The following GIPC2 variants were observed in gnomAD, a reference collection of about 807,000 sequenced individuals.
GIPC2 encodes the protein GIPC PDZ domain containing family member 2, also known as PDZ domain-containing protein GIPC2.
Under a neutral mutation model 30.6 loss-of-function variants are expected in GIPC2, and 30 were observed. That is an observed-to-expected ratio of 0.98 (90% CI 0.73 to 1.33). The LOEUF is 1.33. Ranked by LOEUF, GIPC2 falls within the 40% of genes most tolerant of loss-of-function variation. The pLI, the probability that GIPC2 is intolerant of heterozygous loss-of-function variation, is 0.00. For missense variants in GIPC2, 414 were observed against 390.3 expected (o/e 1.06, Z -0.51); for synonymous variants, 167 against 150.0 (o/e 1.11, Z -0.83).
chr1:78,046,362 C>G, intron 1 of GIPC2, 28 bp downstream of exon 1: 3 of 1,581,492 alleles, frequency 1.9e-6, no homozygotes, highest in Non-Finnish European at 2.6e-6. Flanking sequence ...CAGGCTCTCC[C>G]GCCTCTCCGC....
At chr1:78,111,781 T>C (rs1662470338) in intron 3 of GIPC2, among the ~76,000 whole-genome samples, 1 of 152,212 alleles carries the variant, frequency 6.6e-6, no homozygotes, top group Non-Finnish European at 1.5e-5. Flanking sequence ...ATGCTGTAAA[T>C]AGGTGTAAAT....
chr1:78,099,696 C>T (rs1368364614), intron 3 of GIPC2, among the ~76,000 whole-genome samples: 2 of 151,992 alleles, frequency 1.3e-5, no homozygotes, highest in Admixed American at 6.6e-5. Flanking sequence ...CCTCGGCCTC[C>T]CAAAGTGCTA....
upstream of GIPC2, chr1:78,045,156 C>T (rs1661044565): frequency 1.3e-6 from 1 of 765,088 alleles, no homozygotes; most frequent in African/African-American, 1.9e-5. Flanking sequence ...AGTGATTTCA[C>T]TCCACTGAAA....
chr1:78,064,358 A>G (rs1661461713), intron 1 of GIPC2, among the ~76,000 whole-genome samples: 1 of 152,238 alleles, frequency 6.6e-6, no homozygotes. Context: ...ATTGCAATTC[A>G]AACAGAATCC....
intron 1 of GIPC2, among the ~76,000 whole-genome samples, chr1:78,049,826 A>G (rs1661161657): frequency 6.6e-6 from 1 of 151,294 alleles, no homozygotes; most frequent in Non-Finnish European, 1.5e-5. Context: ...TTCTAAGTCT[A>G]TTACATAGCA....
At chr1:78,108,043 G>T (rs1662393799) in intron 3 of GIPC2, among the ~76,000 whole-genome samples, 1 of 151,910 alleles carries the variant, frequency 6.6e-6, no homozygotes, top group South Asian at 2.1e-4. Context: ...TCTTAACTTT[G>T]TAAAGTCTAG....
intron 1 of GIPC2, among the ~76,000 whole-genome samples, chr1:78,073,609 C>G (rs1285791319): frequency 6.6e-6 from 1 of 152,110 alleles, no homozygotes; most frequent in Non-Finnish European, 1.5e-5. Flanking sequence ...TTCCAGAGAT[C>G]TTTGGAACAT....
At chr1:78,084,989 T>C (rs1661900942) in intron 2 of GIPC2, among the ~76,000 whole-genome samples, 2 of 152,168 alleles carry the variant, frequency 1.3e-5, no homozygotes, top group South Asian at 4.1e-4. Flanking sequence ...GTAGGAGTGG[T>C]GAGAGAGAGC....
intron 2 of GIPC2, among the ~76,000 whole-genome samples, chr1:78,093,333 T>C (rs1200791051): frequency 2.0e-5 from 3 of 152,230 alleles, no homozygotes. Context: ...GATATAAGTT[T>C]AATATGGGTT....
At chr1:78,051,332 G>C (rs1193459588) in intron 1 of GIPC2, among the ~76,000 whole-genome samples, 1 of 152,168 alleles carries the variant, frequency 6.6e-6, no homozygotes, top group Non-Finnish European at 1.5e-5. Context: ...CAGTTTCTCT[G>C]CAGAATTCAG....
At chr1:78,065,564 G>A (rs1453935198) in intron 1 of GIPC2, among the ~76,000 whole-genome samples, 1 of 151,906 alleles carries the variant, frequency 6.6e-6, no homozygotes, top group Non-Finnish European at 1.5e-5. Context: ...AATTCATATG[G>A]AAAGACAAAA....
At chr1:78,122,371 T>C (rs1557550186) in intron 4 of GIPC2, among the ~76,000 whole-genome samples, 1 of 152,242 alleles carries the variant, frequency 6.6e-6, no homozygotes, top group Non-Finnish European at 1.5e-5. Flanking sequence ...TAAGATTCTC[T>C]GTATTAGTCC....
At chr1:78,132,516 A>G (rs954166142) in intron 5 of GIPC2, among the ~76,000 whole-genome samples, 3 of 152,102 alleles carry the variant, frequency 2.0e-5, no homozygotes, top group African/African-American at 7.2e-5. Context: ...GTGACTAGAA[A>G]CCCAAAGCAG....
At chr1:78,053,309 G>GA (rs1661227834) in intron 1 of GIPC2, among the ~76,000 whole-genome samples, 2 of 152,130 alleles carry the variant, frequency 1.3e-5, no homozygotes, top group Non-Finnish European at 2.9e-5. Flanking sequence ...GGTTTACTAA[G>GA]ATTCCTGGTC....
intron 4 of GIPC2, among the ~76,000 whole-genome samples, chr1:78,122,824 A>G (rs1370337389): frequency 1.3e-5 from 2 of 152,136 alleles, no homozygotes; most frequent in Admixed American, 1.3e-4. Context: ...AAGAATAAAA[A>G]CCCTGTTTCT....
chr1:78,046,828 TG>T (rs66737197), intron 1 of GIPC2, among the ~76,000 whole-genome samples: 138,824 of 152,100 alleles, frequency 0.91, 63,533 homozygotes, highest in African/African-American at 0.95. Context: ...CCAGATTAAG[TG>T]GGGGGGAAAA....
chr1:78,066,455 C>T (rs546629221), intron 1 of GIPC2, among the ~76,000 whole-genome samples: 34 of 152,288 alleles, frequency 2.2e-4, no homozygotes, highest in African/African-American at 7.7e-4. Context: ...ATTAGTTCAA[C>T]CATTGTGGAA....
At chr1:78,089,036 C>G (rs1661988969) in intron 2 of GIPC2, 1 of 152,092 alleles carries the variant, frequency 6.6e-6, no homozygotes. Flanking sequence ...GTGCAGAGAC[C>G]ATGCTGTGTG....
chr1:78,077,575 G>A (rs527901063), intron 1 of GIPC2, among the ~76,000 whole-genome samples: 4 of 152,240 alleles, frequency 2.6e-5, no homozygotes, highest in South Asian at 2.1e-4. Context: ...TTTTCCTTAC[G>A]TTGTGTGATA....
Sources: gnomAD v4.1 joint callset for allele counts (sites outside exome capture counted in the v4.1 genomes callset) on GRCh38, gnomAD v4.1.1 for gene constraint, MANE v1.5 for transcripts, NCBI Gene and HGNC (gene_info 2026-07-23, HGNC 2026-07-21) for gene names.